LAMA3: variants seen among roughly 807,000 people sequenced by gnomAD.
LAMA3 encodes laminin subunit alpha-3.
A neutral mutation model predicts 402.0 loss-of-function variants in LAMA3; 281 were observed. The observed-to-expected ratio is 0.70, with a 90% confidence interval of 0.63 to 0.77. LAMA3 has a LOEUF of 0.77. Among genes scored for constraint, LAMA3 ranks in the 30% least tolerant of loss-of-function variants. The pLI, the probability that LAMA3 is intolerant of heterozygous loss-of-function variation, is 0.00. For missense variants in LAMA3, 3,840 were observed against 4,215.5 expected (o/e 0.91, Z 2.47); for synonymous variants, 1,431 against 1,558.4 (o/e 0.92, Z 1.93).
intron 1 of LAMA3, among the ~76,000 whole-genome samples, chr18:23,705,598 C>T (rs757488875): frequency 1.3e-5 from 2 of 152,126 alleles, no homozygotes; most frequent in Non-Finnish European, 2.9e-5. Context: ...AATCATGGCT[C>T]ACTGCAGCCT....
intron 7 of LAMA3, among the ~76,000 whole-genome samples, chr18:23,761,007 C>G (rs2061956407): frequency 6.6e-6 from 1 of 151,944 alleles, no homozygotes; most frequent in African/African-American, 2.4e-5. Flanking sequence ...GTGGGGGGGG[C>G]ACAAGCGTTC....
chr18:23,713,459 C>T (rs2061035215), intron 1 of LAMA3, among the ~76,000 whole-genome samples: 1 of 152,238 alleles, frequency 6.6e-6, no homozygotes, highest in African/African-American at 2.4e-5. Context: ...CACCCCTTCC[C>T]TGATGGTTGT....
chr18:23,887,071 C>CTTA (rs1406275157), intron 41 of LAMA3, among the ~76,000 whole-genome samples: 3 of 152,220 alleles, frequency 2.0e-5, no homozygotes, highest in African/African-American at 4.8e-5. Flanking sequence ...TTGCCTTACA[C>CTTA]TTATTCAGTT....
At chr18:23,834,229 G>T in intron 24 of LAMA3, 1 of 510,460 alleles carries the variant, frequency 2.0e-6, no homozygotes, top group Non-Finnish European at 3.6e-6. Context: ...TTAGCAATTT[G>T]GTTCAGATTC....
chr18:23,866,403 G>C (rs891116825), intron 36 of LAMA3, among the ~76,000 whole-genome samples: 1 of 152,230 alleles, frequency 6.6e-6, no homozygotes, highest in African/African-American at 2.4e-5. Context: ...ATTCTTGGTA[G>C]ATATTTGTGT....
At chr18:23,804,442 T>G (rs190325593) in intron 12 of LAMA3, among the ~76,000 whole-genome samples, 28 of 152,342 alleles carry the variant, frequency 1.8e-4, no homozygotes, top group Non-Finnish European at 2.9e-5. Context: ...TTATTGCATT[T>G]AATTTTTACC....
At chr18:23,718,926 A>G (rs1180165271) in intron 2 of LAMA3, among the ~76,000 whole-genome samples, 1 of 152,206 alleles carries the variant, frequency 6.6e-6, no homozygotes, top group Non-Finnish European at 1.5e-5. Context: ...AAGAGGGATG[A>G]TAGTTGGTGG....
At chr18:23,924,244 T>C (rs2081935697) in intron 62 of LAMA3, among the ~76,000 whole-genome samples, 1 of 152,108 alleles carries the variant, frequency 6.6e-6, no homozygotes, top group Non-Finnish European at 1.5e-5. Context: ...CTCTGCCTCC[T>C]GGGCTCAAGT....
Position 23,943,870 on chromosome 18 carries a change from C to G in LAMA3, c.9109C>G (p.Leu3037Val). The G allele has an allele frequency of 6.2e-7, 1 of 1,614,008 alleles. No homozygotes were observed. Among genetic ancestry groups the G allele is most frequent in the Non-Finnish European group, 8.5e-7 (1 of 1,179,880 alleles). The change falls in exon 69 of 75, where the codon CTT becomes GTT. Residue 3037 changes from leucine (L) to valine (V), a missense_variant. Physicochemically the swap from Leu to Val is conservative, Grantham distance 32. Transcript: ENST00000313654. The stretch of plus-strand genomic sequence containing the variant: ...GGGCACTAAGAACTCCTTTATGGCT[C>G]TTTATCTTTCAAAAGGACGTCTGGT... Reference protein sequence around the residue: ...HTGTKNSFMALYLSKGRLVFA... With the variant: ...HTGTKNSFMAVYLSKGRLVFA...
At chr18:23,789,734 A>G (rs956210416) in intron 12 of LAMA3, among the ~76,000 whole-genome samples, 4 of 152,210 alleles carry the variant, frequency 2.6e-5, no homozygotes, top group Admixed American at 1.3e-4. Flanking sequence ...CTAAAATTAG[A>G]TTGTTCCAAA....
chr18:23,946,313 A>G (rs1388395200), intron 70 of LAMA3, 29 bp downstream of exon 70: 3 of 1,609,110 alleles, frequency 1.9e-6, no homozygotes, highest in Non-Finnish European at 2.6e-6. Context: ...AGCCATGGAC[A>G]GAAACAATTC....
chr18:23,791,195 CATG>C (rs1224654463), intron 12 of LAMA3, among the ~76,000 whole-genome samples: 1 of 152,102 alleles, frequency 6.6e-6, no homozygotes, highest in Non-Finnish European at 1.5e-5. Context: ...ATCTTTAATC[CATG>C]ATATTGTCTT....
Position 23,753,747 on chromosome 18 carries a change from C to T in LAMA3, c.882C>T (p.Ser294=). ...ATTATTACAGCATAAAGGACATCAGCATTGGTGGGCAGTGTGTTTGCAATG... is the reference window on the plus strand; with the variant it reads ...ATTATTACAGCATAAAGGACATCAGTATTGGTGGGCAGTGTGTTTGCAATG... ...RRYYYSIKDI[S]IGGQCVCNGH... The change falls in exon 6 of 75, where the codon AGC becomes AGT. Residue 294 remains serine (S), a synonymous_variant. Coordinates refer to ENST00000313654, the MANE Select transcript of LAMA3 (RefSeq NM_198129.4). 6.2e-7 allele frequency: 1 copy of T among 1,613,756 alleles called. No individual in the cohort carries two copies. Among genetic ancestry groups the T allele is most frequent in the Non-Finnish European group, 8.5e-7 (1 of 1,179,674 alleles).
intron 39 of LAMA3, among the ~76,000 whole-genome samples, chr18:23,880,133 C>T (rs1000545219): frequency 6.6e-5 from 10 of 152,226 alleles, no homozygotes; most frequent in African/African-American, 2.2e-4. Flanking sequence ...GTGTCCTCCT[C>T]AGTCACCCGT....
rs1167633379 is a variant in LAMA3, at chr18:23,903,954, A to C, written c.6340A>C (p.Ser2114Arg). The change falls in exon 50 of 75, where the codon AGT (serine) becomes CGT (arginine). Residue 2114 changes from serine to arginine, a missense_variant. Physicochemically the swap from Ser to Arg is moderately radical, Grantham distance 110. This residue lies in a region of LAMA3 where 891 missense variants were observed against 857.5 expected (regional missense o/e 1.04). Transcript: ENST00000313654. ...SQKEYEKLAA[S>R]LNEARQELSD... ...ATAGGAATATGAAAAATTAGCTGCC[A>C]GTTTAAATGAAGCAAGACAAGAACT... 1.9e-6 allele frequency: 3 copies of C among 1,613,408 alleles called. No homozygotes were observed. The highest frequency in any genetic ancestry group is 2.2e-5 in the South Asian group (2 of 91,068).
chr18:23,743,841 G>A lies in LAMA3; in HGVS notation c.448-4102G>A, dbSNP rs141381553. Among the ~76,000 whole-genome samples, 14 of 152,158 alleles carry A rather than the reference G, an allele frequency of 9.2e-5. No individual in the cohort carries two copies. The South Asian group carries it at 2.5e-3, about 27-fold the overall frequency. On this transcript the variant is annotated intron_variant, in intron 2 of 74. Transcript: ENST00000313654. ...CCCCTTATCTCTGACCCCCAAATAC[G>A]ATCTCTTTGAAAATGCACAACTTTG...
intron 55 of LAMA3, among the ~76,000 whole-genome samples, chr18:23,910,713 T>TA (rs1346831394): frequency 2.6e-5 from 4 of 152,176 alleles, no homozygotes; most frequent in African/African-American, 7.2e-5. Context: ...AGATTTTTTT[T>TA]AAAAAAAGCC....
rs1598937083 is a variant in LAMA3 at position 23,858,738 on chromosome 18, A to G, written c.4331A>G (p.His1444Arg). 6.2e-7 allele frequency: 1 copy of G among 1,614,170 alleles called. No homozygotes were observed. Among genetic ancestry groups the G allele is most frequent in the Non-Finnish European group, 8.5e-7 (1 of 1,179,988 alleles). ...ECNVCREGSF[H>R]LDPANLKGCT... is the part of the protein sequence containing the mutation. The stretch of plus-strand genomic sequence containing the variant: ...AATGTGTGTCGAGAAGGCTCATTCC[A>G]TTTGGACCCAGCCAATCTCAAGGGT... The change falls in exon 34 of 75, where the codon CAT becomes CGT. Residue 1444 changes from histidine (H) to arginine (R), a missense_variant. This residue lies in a region of LAMA3 where 2,109 missense variants were observed against 2,376.0 expected (regional missense o/e 0.89). Coordinates refer to ENST00000313654, the MANE Select transcript of LAMA3 (RefSeq NM_198129.4).
chr18:23,911,223 T>C (rs1168854190), intron 55 of LAMA3, among the ~76,000 whole-genome samples: 1 of 152,166 alleles, frequency 6.6e-6, no homozygotes, highest in Admixed American at 6.5e-5. Flanking sequence ...GAAATGAGCC[T>C]GCAAATGTGG....
Sources: gnomAD v4.1 joint callset for allele counts (sites outside exome capture counted in the v4.1 genomes callset) on GRCh38, gnomAD v4.1.1 for gene constraint, gnomAD v4.1.1 regional missense constraint, MANE v1.5 for transcripts, NCBI Gene and HGNC (gene_info 2026-07-23, HGNC 2026-07-21) for gene names.